The following NCOA6 variants were observed in gnomAD, a reference collection of about 807,000 sequenced individuals.
NCOA6 encodes NRC RAP250.
In NCOA6, 49 loss-of-function variants were observed where a neutral mutation model predicts 171.4. The observed-to-expected ratio is 0.29, with a 90% CI of 0.23 to 0.36. The LOEUF is 0.36. NCOA6 is among the 10% of genes least tolerant of loss of function. The pLI, the probability that NCOA6 is intolerant of heterozygous loss-of-function variation, is 1.00. For missense variants in NCOA6, 2,248 were observed against 2,554.5 expected, an observed-to-expected ratio of 0.88 and a Z score of 2.59; for synonymous variants, 910 against 927.5, an observed-to-expected ratio of 0.98 and a Z score of 0.34.
At chr20:34,732,725 C>T (rs2075825312) in intron 12 of NCOA6, 130 bp from the exon 13 acceptor site, 6 of 692,638 alleles carry the variant, frequency 8.7e-6, no homozygotes, top group Non-Finnish European at 1.5e-5. Flanking sequence ...TCTCACCCTA[C>T]ATGGTATGGA....
chr20:34,809,204 T>C (rs762181057), intron 1 of NCOA6, among the ~76,000 whole-genome samples: 12 of 152,238 alleles, frequency 7.9e-5, no homozygotes, highest in Non-Finnish European at 1.3e-4. Context: ...TTCTGCCATA[T>C]TACATGTATT....
intron 4 of NCOA6, among the ~76,000 whole-genome samples, chr20:34,770,871 C>A (rs2077128817): frequency 6.6e-6 from 1 of 151,774 alleles, no homozygotes; most frequent in Admixed American, 6.6e-5. Flanking sequence ...CTCAGACAAT[C>A]CGCCTGTCTT....
chr20:34,717,506 C>A (rs1463243795), intron 14 of NCOA6, among the ~76,000 whole-genome samples: 3 of 151,864 alleles, frequency 2.0e-5, no homozygotes, highest in Non-Finnish European at 4.4e-5. Context: ...CAAGAGGTGC[C>A]CAGTACAGTA....
Position 34,742,105 on chromosome 20 carries a change from G to A in NCOA6, c.4151C>T (p.Pro1384Leu). The change falls in exon 11 of 15, where the codon CCC becomes CTC. Residue 1384 changes from proline to leucine, a missense_variant. By Grantham distance (98) the Pro-to-Leu change is moderately conservative (BLOSUM62 -3). This residue lies in a region of NCOA6 where 884 missense variants were observed against 941.9 expected (regional missense o/e 0.94). Transcript: ENST00000359003. The part of the protein sequence containing the change: ...VLVSPTPLAN[P>L]PVPGSFPNNS... ...GTTAGGAAAGCTCCCAGGTACAGGGGGATTGGCCAGAGGAGTGGGACTGAC... is the reference window on the plus strand; with the variant it reads ...GTTAGGAAAGCTCCCAGGTACAGGGAGATTGGCCAGAGGAGTGGGACTGAC... 6.2e-7 allele frequency: 1 copy of A among 1,614,168 alleles called. No individual in the cohort carries two copies. Among genetic ancestry groups the A allele is most frequent in the Non-Finnish European group, 8.5e-7 (1 of 1,180,038 alleles).
intron 11 of NCOA6, among the ~76,000 whole-genome samples, chr20:34,737,627 C>T (rs1466840193): frequency 6.6e-6 from 1 of 152,150 alleles, no homozygotes; most frequent in African/African-American, 2.4e-5. Context: ...ATATGTAATG[C>T]CCTCTAGAAG....
At chr20:34,770,092 C>T (rs137866394) in intron 4 of NCOA6, among the ~76,000 whole-genome samples, 4 of 151,072 alleles carry the variant, frequency 2.6e-5, no homozygotes, top group African/African-American at 4.9e-5. Flanking sequence ...CAGGCTGAAG[C>T]GCAGTGGTGC....
At chr20:34,822,543 T>C (rs186650097) in intron 1 of NCOA6, among the ~76,000 whole-genome samples, 82 of 152,336 alleles carry the variant, frequency 5.4e-4, no homozygotes, top group African/African-American at 1.8e-3. Flanking sequence ...TTATAGCGTT[T>C]AATAACTCTT....
At chr20:34,770,406 A>C (rs1401266298) in intron 4 of NCOA6, among the ~76,000 whole-genome samples, 1 of 152,168 alleles carries the variant, frequency 6.6e-6, no homozygotes, top group Non-Finnish European at 1.5e-5. Flanking sequence ...GGAAGCAATC[A>C]CTGGGAGCTA....
At chr20:34,811,903 T>C (rs2078676772) in intron 1 of NCOA6, among the ~76,000 whole-genome samples, 1 of 152,236 alleles carries the variant, frequency 6.6e-6, no homozygotes, top group South Asian at 2.1e-4. Flanking sequence ...GGCATAACTA[T>C]TATAAGATCC....
intron 1 of NCOA6, among the ~76,000 whole-genome samples, chr20:34,802,647 C>CT (rs2078294494): frequency 6.6e-6 from 1 of 151,930 alleles, no homozygotes; most frequent in Admixed American, 6.6e-5. Flanking sequence ...CGAAATAATA[C>CT]TATGATCATA....
chr20:34,822,721 A>G (rs1601182694), intron 1 of NCOA6, among the ~76,000 whole-genome samples: 1 of 152,202 alleles, frequency 6.6e-6, no homozygotes, highest in East Asian at 1.9e-4. Flanking sequence ...CGTTTGCTGA[A>G]TGGAAGACAT....
chr20:34,734,755 C>T (rs1600775396), intron 12 of NCOA6, among the ~76,000 whole-genome samples: 1 of 151,748 alleles, frequency 6.6e-6, no homozygotes, highest in African/African-American at 2.4e-5. Context: ...CAGGTTCAAG[C>T]GATTCTCCTG....
intron 1 of NCOA6, among the ~76,000 whole-genome samples, chr20:34,816,183 C>T (rs1006245230): frequency 2.0e-5 from 3 of 152,126 alleles, no homozygotes; most frequent in African/African-American, 7.2e-5. Context: ...CAATCTTACC[C>T]TTCCATTTTA....
At position 34,743,095 on chromosome 20, in the gene NCOA6, A is replaced by G. The variant is rs1184711573; in HGVS notation, c.3161T>C (p.Val1054Ala). 6.2e-7 allele frequency: 1 copy of G among 1,613,288 alleles called. No individual in the cohort carries two copies. Among genetic ancestry groups the G allele is most frequent in the Admixed American group, 1.7e-5 (1 of 60,002 alleles). ...GTTCAGGGGGCCCCTTGGAGGATGG[A>G]CATTTTGAGAGACTGGAAGCCTAAC... ...KSVRLPVSQN[V>A]HPPRGPLNPD... Residue 1054 changes from valine to alanine, a missense_variant, in exon 11 of 15, where the codon GTC becomes GCC. Physicochemically the swap from Val to Ala is moderately conservative, Grantham distance 64 (BLOSUM62 0). This residue lies in a region of NCOA6 where 352 missense variants were observed against 419.1 expected (regional missense o/e 0.84). Coordinates refer to ENST00000359003, the MANE Select transcript of NCOA6 (RefSeq NM_014071.5).
rs1056606468 is a variant in NCOA6, at chr20:34,768,315, G to A, written c.514+149C>T. ...CTTCATGCTGTGACCTCTAGCCTCC[G>A]GGAAGGACTCATGTCTAGCTTTCCT... On this transcript the variant is annotated intron_variant, in intron 5 of 14. Transcript: ENST00000359003. 56 of 1,036,550 alleles carry A rather than the reference G, an allele frequency of 5.4e-5. 1 individual carries two copies. Among genetic ancestry groups the A allele is most frequent in the African/African-American group, 8.0e-5 (5 of 62,168 alleles). The allele number at this position is 1,036,550 out of a possible 1,614,324, so 64.2% of individuals were successfully genotyped here. A position where few individuals can be genotyped will look rare whatever the true frequency, so the allele number is the denominator to read the frequency against.
intron 1 of NCOA6, chr20:34,809,434 T>C: frequency 1.3e-5 from 5 of 398,526 alleles, no homozygotes; most frequent in Non-Finnish European, 2.2e-5. Context: ...ATTTCATGTA[T>C]TCTACAGAAT....
At chr20:34,813,235 G>A (rs2078727666) in intron 1 of NCOA6, among the ~76,000 whole-genome samples, 1 of 151,862 alleles carries the variant, frequency 6.6e-6, no homozygotes. Flanking sequence ...GGAGGCCGAG[G>A]AGGGTGGATC....
At chr20:34,719,062 C>T (rs1266522620) in intron 14 of NCOA6, among the ~76,000 whole-genome samples, 1 of 152,168 alleles carries the variant, frequency 6.6e-6, no homozygotes, top group African/African-American at 2.4e-5. Flanking sequence ...TGGTAAAGAA[C>T]TGGGTCAATA....
chr20:34,719,226 T>C (rs537518408), intron 14 of NCOA6, among the ~76,000 whole-genome samples: 3 of 152,336 alleles, frequency 2.0e-5, no homozygotes, highest in South Asian at 4.1e-4. Context: ...AATCCTCTAG[T>C]ATGTGACCTC....
Sources: allele counts gnomAD v4.1 joint callset (sites outside exome capture counted in the v4.1 genomes callset), GRCh38; gene constraint gnomAD v4.1.1; regional missense constraint gnomAD v4.1.1; transcripts MANE v1.5; gene names NCBI Gene and HGNC (gene_info 2026-07-23, HGNC 2026-07-21).